NACAD: variants seen among roughly 807,000 people sequenced by gnomAD.
NACAD encodes NAC-alpha domain-containing protein 1.
Under a neutral mutation model 98.9 loss-of-function variants are expected in NACAD, and 47 were observed. That is an observed-to-expected ratio of 0.48 (90% CI 0.38 to 0.61). NACAD has a LOEUF of 0.61. Ranked by LOEUF, NACAD falls within the 20% of genes least tolerant of loss-of-function variation. The pLI is 0.00. For missense variants in NACAD, 1,412 were observed against 1,748.2 expected (o/e 0.81, Z 3.43); for synonymous variants, 696 against 767.2 (o/e 0.91, Z 1.53).
In NACAD at chr7:45,085,504, C is replaced by T. The variant is rs1323753269; in HGVS notation, c.676G>A (p.Asp226Asn). 1 of 1,550,754 alleles carries T rather than the reference C, an allele frequency of 6.4e-7. No homozygotes were observed. Among genetic ancestry groups the T allele is most frequent in the South Asian group, 1.2e-5 (1 of 84,006 alleles). The change falls in exon 2 of 8, where the codon GAC becomes AAC. Residue 226 changes from aspartate (D) to asparagine (N), a missense_variant. Physicochemically the swap from Asp to Asn is conservative, Grantham distance 23 (BLOSUM62 1). This residue lies in a region of NACAD where 638 missense variants were observed against 722.7 expected (regional missense o/e 0.88). Transcript: ENST00000490531. This position sits in a 1 kb window ranked among gnomAD's most constrained non-coding sequence, Gnocchi z 6.1. ...PSGSYITADG[D>N]SWASSPSCSL... ...CAGGAGGGTGAAGAGGCCCAGCTGT[C>T]CCCATCGGCCGTAATGTAGGAGCCC... is the stretch of plus-strand genomic sequence containing the variant.
In NACAD at chr7:45,081,847, A is replaced by C; in HGVS notation, c.4093T>G (p.Ser1365Ala). Residue 1365 changes from serine to alanine, a missense_variant, in exon 3 of 8, where the codon TCG becomes GCG. Transcript: ENST00000490531. The part of the protein sequence containing the change: ...LEEDSPRALG[S>A]GQHSDSHGES... Reference sequence around the variant, plus strand: ...CCGTGGCTATCCGAATGCTGGCCCGAGCCCAGGGCCCGAGGCGAGTCTGGG... The same window carrying C: ...CCGTGGCTATCCGAATGCTGGCCCGCGCCCAGGGCCCGAGGCGAGTCTGGG... The C allele has an allele frequency of 1.3e-6, 2 of 1,547,340 alleles. No homozygotes were observed. Among genetic ancestry groups the C allele is most frequent in the Non-Finnish European group, 1.7e-6 (2 of 1,146,898 alleles).
At chr7:45,081,707 G>T (rs1784432539) in intron 3 of NACAD, 35 bp from the exon 4 acceptor site, 1 of 1,551,128 alleles carries the variant, frequency 6.4e-7, no homozygotes, top group Admixed American at 2.0e-5. Flanking sequence ...TCCATGGGTG[G>T]GGTGTGGGGC....
In NACAD at chr7:45,088,717, C is replaced by T. The variant is rs1310179118; in HGVS notation, c.67+111G>A. 1.3e-6 allele frequency: 1 copy of T among 768,030 alleles called. No individual in the cohort carries two copies. The highest frequency in any genetic ancestry group is 1.7e-6 in the Non-Finnish European group (1 of 586,786). 47.6% of individuals were successfully genotyped at this position (768,030 alleles called of 1,614,324 possible). On this transcript the variant is annotated intron_variant, in intron 1 of 7. Coordinates refer to ENST00000490531, the MANE Select transcript of NACAD (RefSeq NM_001146334.2). This position sits in a 1 kb window ranked among gnomAD's most constrained non-coding sequence, Gnocchi z 5.7. ...CAGGGCGCGGAAAGGGGAGGGGACT[C>T]GAGGGGGGCCAGGGGGATGGGGGAG...
rs545562698 is a variant in NACAD, at chr7:45,082,279, G to A, written c.3901C>T (p.Pro1301Ser). 1.9e-6 allele frequency: 3 copies of A among 1,550,676 alleles called. No individual in the cohort carries two copies. The Admixed American group carries it at 5.9e-5, about 30-fold the overall frequency. ...LGTGPRVSLS[P>S]HSPLLSPKVA... ...TTGGGGCTGAGGAGTGGGGAGTGAG[G>A]CGAGAGGCTGACTCGCGGCCCAGTC... is the stretch of plus-strand genomic sequence containing the variant. The change falls in exon 2 of 8, where the codon CCT becomes TCT. Residue 1301 changes from proline to serine, a missense_variant. Transcript: ENST00000490531. This position sits in a 1 kb window ranked among gnomAD's most constrained non-coding sequence, Gnocchi z 4.5.
intron 4 of NACAD, 148 bp from the exon 5 acceptor site, chr7:45,081,411 G>A (rs1356692382): frequency 1.6e-6 from 2 of 1,273,834 alleles, no homozygotes; most frequent in South Asian, 3.0e-5. Flanking sequence ...ATGAGCCTCA[G>A]TCTATAAGGG....
At position 45,081,757 on chromosome 7, in the gene NACAD, G is replaced by T; in HGVS notation, c.4183C>A (p.Gln1395Lys). ...LAPQTVQCPA[Q>K]APAGGSEETI... The stretch of plus-strand genomic sequence containing the variant: ...ACCCTCTTCCCTGGACTGGGCACCT[G>T]GGCTGGACACTGCACGGTCTGAGGA... Residue 1395 changes from glutamine (Q) to lysine (K), a missense_variant and splice_region_variant, in exon 3 of 8, where the codon CAG becomes AAG. Physicochemically the swap from Gln to Lys is moderately conservative, Grantham distance 53. Around this residue, in one of 5 missense-constraint regions of NACAD, gnomAD observed 572 missense variants for 639.6 expected, o/e 0.89. Coordinates refer to ENST00000490531, the MANE Select transcript of NACAD (RefSeq NM_001146334.2). 6.4e-7 allele frequency: 1 copy of T among 1,551,192 alleles called. No individual in the cohort carries two copies. The highest frequency in any genetic ancestry group is 8.7e-7 in the Non-Finnish European group (1 of 1,146,994).
rs1784414378 is a variant in NACAD at position 45,080,663 on chromosome 7, T to C, written c.4651A>G (p.Ser1551Gly). ...ACCATGATGGCGTTGACGATGTCACTGTGGTTGTCTCTCAGAGCCCGCACG... is the reference window on the plus strand; with the variant it reads ...ACCATGATGGCGTTGACGATGTCACCGTGGTTGTCTCTCAGAGCCCGCACG... ...KAVRALRDNHSDIVNAIMELT... is the reference protein window; with the variant it reads ...KAVRALRDNHGDIVNAIMELT... The change falls in exon 7 of 8, where the codon AGT (serine) becomes GGT (glycine). Residue 1551 changes from serine to glycine, a missense_variant. This residue lies in a region of NACAD where 88 missense variants were observed against 105.4 expected (regional missense o/e 0.84). Transcript: ENST00000490531. The C allele has an allele frequency of 1.9e-6, 3 of 1,551,340 alleles. No individual in the cohort carries two copies. The highest frequency in any genetic ancestry group is 1.2e-5 in the South Asian group (1 of 84,068).
Position 45,084,843 on chromosome 7 carries a change from T to A in NACAD, c.1337A>T (p.Glu446Val), listed in dbSNP as rs1784487030. The A allele has an allele frequency of 3.9e-6, 6 of 1,550,718 alleles. No homozygotes were observed. Among genetic ancestry groups the A allele is most frequent in the Non-Finnish European group, 5.2e-6 (6 of 1,146,822 alleles). ...AQDGTVSWAV[E>V]AAPQTSDRGA... is the part of the protein sequence containing the mutation. The stretch of plus-strand genomic sequence containing the variant: ...TCTGTCTGAGGTCTGAGGAGCAGCC[T>A]CCACGGCCCAGGACACAGTCCCATC... The change falls in exon 2 of 8, where the codon GAG becomes GTG. Residue 446 changes from glutamate (E) to valine (V), a missense_variant. Around this residue, in one of 5 missense-constraint regions of NACAD, gnomAD observed 638 missense variants for 722.7 expected, o/e 0.88. Transcript: ENST00000490531.
rs763503064 is a variant in NACAD at position 45,085,457 on chromosome 7, C to T, written c.723G>A (p.Pro241=). 1.2e-5 allele frequency: 18 copies of T among 1,549,838 alleles called. No homozygotes were observed. Among genetic ancestry groups the T allele is most frequent in the Middle Eastern group, 1.7e-4 (1 of 5,966 alleles). The change falls in exon 2 of 8, where the codon CCG becomes CCA. Residue 241 remains proline (P), a synonymous_variant. Coordinates refer to ENST00000490531, the MANE Select transcript of NACAD (RefSeq NM_001146334.2). This position sits in a 1 kb window ranked among gnomAD's most constrained non-coding sequence, Gnocchi z 6.1. The part of the protein sequence containing the change: ...SPSCSLSLLA[P]AEGLDFPSGW... Reference sequence around the variant, plus strand: ...CTGAGGGGAAGTCCAGCCCTTCAGCCGGAGCCAGCAGGCTGAGGGAACAGG... The same window carrying T: ...CTGAGGGGAAGTCCAGCCCTTCAGCTGGAGCCAGCAGGCTGAGGGAACAGG...
chr7:45,086,174 C>T, intron 1 of NACAD, 62 bp from the exon 2 acceptor site: 1 of 1,499,418 alleles, frequency 6.7e-7, no homozygotes, highest in Non-Finnish European at 8.9e-7. Flanking sequence ...AGGGCCAGGC[C>T]CGGGGAGATG....
At position 45,086,097 on chromosome 7, in the gene NACAD, G is replaced by T; in HGVS notation, c.83C>A (p.Ala28Glu). ...PGPRTDLSCDAAAATTILGGD... is the reference protein window; with the variant it reads ...PGPRTDLSCDEAAATTILGGD... ...TCCCAGGATGGTGGTGGCAGCGGCC[G>T]CATCGCAGGACAGATCTGTGGAGAT... The change falls in exon 2 of 8, where the codon GCG becomes GAG. Residue 28 changes from alanine to glutamate, a missense_variant. This residue lies in a region of NACAD where 638 missense variants were observed against 722.7 expected (regional missense o/e 0.88). Coordinates refer to ENST00000490531, the MANE Select transcript of NACAD (RefSeq NM_001146334.2). 3.9e-6 allele frequency: 6 copies of T among 1,535,810 alleles called. No individual in the cohort carries two copies. Among genetic ancestry groups the T allele is most frequent in the Non-Finnish European group, 5.2e-6 (6 of 1,146,794 alleles).
intron 4 of NACAD, 123 bp from the exon 5 acceptor site, chr7:45,081,386 G>GAA: frequency 7.2e-7 from 1 of 1,387,952 alleles, no homozygotes; most frequent in Non-Finnish European, 9.7e-7. Context: ...TTGGGCTGGT[G>GAA]GTTGGTCCTT....
chr7:45,084,899 G>A lies in NACAD; in HGVS notation c.1281C>T (p.Ser427=), dbSNP rs1195072411. 56 of 1,550,862 alleles carry A rather than the reference G, an allele frequency of 3.6e-5. 1 individual carries two copies. The highest frequency in any genetic ancestry group is 1.7e-4 in the Middle Eastern group (1 of 6,010). The part of the protein sequence containing the change: ...QDSVQKTEEE[S]GGGAKGLQAQ... ...CCTGCAGCCCCTTGGCCCCACCTCC[G>A]CTCTCCTCCTCTGTCTTCTGGACAC... Residue 427 remains serine (S), a synonymous_variant, in exon 2 of 8, where the codon AGC becomes AGT. Coordinates refer to ENST00000490531, the MANE Select transcript of NACAD (RefSeq NM_001146334.2).
At position 45,085,828 on chromosome 7, in the gene NACAD, G is replaced by A. The variant is rs1052704687; in HGVS notation, c.352C>T (p.Arg118Trp). The change falls in exon 2 of 8, where the codon CGG (arginine) becomes TGG (tryptophan). Residue 118 changes from arginine to tryptophan, a missense_variant. This residue lies in a region of NACAD where 638 missense variants were observed against 722.7 expected (regional missense o/e 0.88). Coordinates refer to ENST00000490531, the MANE Select transcript of NACAD (RefSeq NM_001146334.2). The surrounding 1 kb of genome is among the most constrained non-coding windows in gnomAD (Gnocchi z 6.1). ...CACGTCTCCTCTCCCATCACAATCCGGGGCTCCAGGGTGGCCGGGAGAGGA... is the reference window on the plus strand; with the variant it reads ...CACGTCTCCTCTCCCATCACAATCCAGGGCTCCAGGGTGGCCGGGAGAGGA... ...EAPLPATLEP[R>W]IVMGEETCQA... is the part of the protein sequence containing the mutation. 65 of 1,539,828 alleles carry A rather than the reference G, an allele frequency of 4.2e-5. No individual in the cohort carries two copies. The highest frequency in any genetic ancestry group is 5.3e-5 in the Non-Finnish European group (61 of 1,141,816).
In NACAD at chr7:45,084,857, C is replaced by G. The variant is rs1449545574; in HGVS notation, c.1323G>C (p.Val441=). 1 of 1,550,890 alleles carries G rather than the reference C, an allele frequency of 6.4e-7. No homozygotes were observed. The highest frequency in any genetic ancestry group is 1.2e-5 in the South Asian group (1 of 84,062). ...AKGLQAQDGT[V]SWAVEAAPQT... The stretch of plus-strand genomic sequence containing the variant: ...GAGGAGCAGCCTCCACGGCCCAGGA[C>G]ACAGTCCCATCCTGAGCCTGCAGCC... The change falls in exon 2 of 8, where the codon GTG becomes GTC. Residue 441 remains valine (V), a synonymous_variant. Coordinates refer to ENST00000490531, the MANE Select transcript of NACAD (RefSeq NM_001146334.2).
chr7:45,082,949 C>T lies in NACAD; in HGVS notation c.3231G>A (p.Glu1077=), dbSNP rs960891897. The change falls in exon 2 of 8, where the codon GAG becomes GAA. Residue 1077 remains glutamate (E), a synonymous_variant. Transcript: ENST00000490531. This position sits in a 1 kb window ranked among gnomAD's most constrained non-coding sequence, Gnocchi z 4.5. ...DSPQKETLEV[E]NQQEGGLKPL... ...GCTTCAGGCCTCCTTCCTGCTGGTT[C>T]TCAACCTCCAGGGTCTCCTTTTGGG... 1 of 1,551,096 alleles carries T rather than the reference C, an allele frequency of 6.4e-7. No homozygotes were observed. Among genetic ancestry groups the T allele is most frequent in the Non-Finnish European group, 8.7e-7 (1 of 1,147,012 alleles).
chr7:45,082,330 C>G lies in NACAD; in HGVS notation c.3850G>C (p.Val1284Leu). Reference protein sequence around the residue: ...QAGVQPAAAAVSGTTQPLGTG... With the variant: ...QAGVQPAAAALSGTTQPLGTG... ...CCCAGAGGCTGTGTGGTTCCTGAGA[C>G]AGCAGCAGCGGCAGGCTGGACTCCT... Residue 1284 changes from valine (V) to leucine (L), a missense_variant, in exon 2 of 8, where the codon GTC becomes CTC. Transcript: ENST00000490531. The surrounding 1 kb of genome is among the most constrained non-coding windows in gnomAD (Gnocchi z 4.5). 6.4e-7 allele frequency: 1 copy of G among 1,550,540 alleles called. No individual in the cohort carries two copies. Among genetic ancestry groups the G allele is most frequent in the Non-Finnish European group, 8.7e-7 (1 of 1,146,964 alleles).
At position 45,085,870 on chromosome 7, in the gene NACAD, C is replaced by T; in HGVS notation, c.310G>A (p.Ala104Thr). Residue 104 changes from alanine to threonine, a missense_variant, in exon 2 of 8, where the codon GCT (alanine) becomes ACT (threonine). Coordinates refer to ENST00000490531, the MANE Select transcript of NACAD (RefSeq NM_001146334.2). This position sits in a 1 kb window ranked among gnomAD's most constrained non-coding sequence, Gnocchi z 6.1. ...GGGAGAGGAGCCTCCGTGGACAGAG[C>T]CTGGGAAGACAGGCCCTCAGGGAGG... is the stretch of plus-strand genomic sequence containing the variant. ...MLLPEGLSSQALSTEAPLPAT... is the reference protein window; with the variant it reads ...MLLPEGLSSQTLSTEAPLPAT... 1 of 1,546,950 alleles carries T rather than the reference C, an allele frequency of 6.5e-7. No homozygotes were observed. The highest frequency in any genetic ancestry group is 8.7e-7 in the Non-Finnish European group (1 of 1,145,754).
intron 1 of NACAD, among the ~76,000 whole-genome samples, chr7:45,087,867 G>A (rs1784544214): frequency 6.6e-6 from 1 of 152,310 alleles, no homozygotes; most frequent in Non-Finnish European, 1.5e-5. Context: ...CAGGGCAGGG[G>A]AACGGCTGAG....
Sources: gnomAD v4.1 joint callset for allele counts (sites outside exome capture counted in the v4.1 genomes callset) on GRCh38, gnomAD v4.1.1 for gene constraint, gnomAD v4.1.1 regional missense constraint, Gnocchi (gnomAD v3.1) non-coding constraint, MANE v1.5 for transcripts, NCBI Gene and HGNC (gene_info 2026-07-23, HGNC 2026-07-21) for gene names.